The following CDC7 variants were observed in gnomAD, a reference collection of about 807,000 sequenced individuals.
CDC7 encodes the protein cell division cycle 7-related protein kinase.
A neutral mutation model predicts 53.5 loss-of-function variants in CDC7; 34 were observed. The ratio of observed to expected loss-of-function variants is 0.64; its 90% CI spans 0.48 to 0.85. The LOEUF is 0.85. Ranked by LOEUF, CDC7 falls within the 40% of genes least tolerant of loss-of-function variation. CDC7 has a pLI of 0.00. For missense variants in CDC7, 594 were observed against 679.7 expected (o/e 0.87, Z 1.40); for synonymous variants, 211 against 222.8 (o/e 0.95, Z 0.47).
intron 2 of CDC7, among the ~76,000 whole-genome samples, chr1:91,507,342 G>A (rs1377186692): frequency 6.6e-6 from 1 of 152,168 alleles, no homozygotes; most frequent in Non-Finnish European, 1.5e-5. Flanking sequence ...GGATACTACT[G>A]GCAATTGGGA....
In CDC7 at chr1:91,503,319, T is replaced by C. The variant is rs1414610853; in HGVS notation, c.115+1488T>C. Among the ~76,000 whole-genome samples, 3 of 152,366 alleles carry C rather than the reference T, an allele frequency of 2.0e-5. 1 individual carries two copies. Among genetic ancestry groups the C allele is most frequent in the South Asian group, 4.1e-4 (2 of 4,824 alleles). ...TACTCTTATGGTTCTTTTTTAAATA[T>C]GATCTTAATAACAGCTAAAGTTATA... is the stretch of plus-strand genomic sequence containing the variant. On this transcript the variant is annotated intron_variant, in intron 2 of 11. Coordinates refer to ENST00000234626, the MANE Select transcript of CDC7 (RefSeq NM_003503.4).
chr1:91,515,096 AGATCAGTG>A lies in CDC7; in HGVS notation c.1097+100_1097+107del, dbSNP rs1191389586. ...TTTTGTGAGTGCAAGGGATCAGTTC[AGATCAGTG>A]AACTGCAATGGGCCTTGATGCAGAG... On this transcript the variant is annotated intron_variant, in intron 9 of 11. Transcript: ENST00000234626. 1.8e-5 allele frequency: 16 copies of A among 900,554 alleles called. No homozygotes were observed. The Admixed American group carries it at 3.6e-4, about 20-fold the overall frequency. The allele number at this position is 900,554 out of a possible 1,614,324, so 55.8% of individuals were successfully genotyped here. A position where few individuals can be genotyped will look rare whatever the true frequency, so the allele number is the denominator to read the frequency against.
In CDC7 at chr1:91,511,819, A is replaced by G. The variant is rs776945490; in HGVS notation, c.468A>G (p.Glu156=). 2.8e-5 allele frequency: 45 copies of G among 1,607,320 alleles called. No individual in the cohort carries two copies. The highest frequency in any genetic ancestry group is 3.8e-5 in the Non-Finnish European group (45 of 1,174,968). The change falls in exon 6 of 12, where the codon GAA becomes GAG. Residue 156 remains glutamate (E), a synonymous_variant. Transcript: ENST00000234626. The part of the protein sequence containing the change: ...LNSLSFQEVR[E]YMLNLFKALK... ...CTCTTTCCTTTCAAGAAGTACGGGAATATATGCTTAATCTGTTCAAAGCTT... is the reference window on the plus strand; with the variant it reads ...CTCTTTCCTTTCAAGAAGTACGGGAGTATATGCTTAATCTGTTCAAAGCTT...
At chr1:91,502,138 C>T (rs1666722893) in intron 2 of CDC7, among the ~76,000 whole-genome samples, 1 of 152,168 alleles carries the variant, frequency 6.6e-6, no homozygotes, top group African/African-American at 2.4e-5. Flanking sequence ...CTCTACTCAC[C>T]ACATTGCCTT....
chr1:91,523,932 C>A, intron 11 of CDC7, 109 bp from the exon 12 acceptor site: 1 of 702,940 alleles, frequency 1.4e-6, no homozygotes, highest in Non-Finnish European at 2.3e-6. Flanking sequence ...GTGTCCATGT[C>A]TATAAAGCAT....
intron 2 of CDC7, among the ~76,000 whole-genome samples, chr1:91,503,240 G>T (rs1007190146): frequency 1.3e-5 from 2 of 152,144 alleles, no homozygotes; most frequent in East Asian, 3.9e-4. Context: ...TAGCGTTTAT[G>T]TAACAGAACA....
chr1:91,523,967 TGA>T (rs1300810484), intron 11 of CDC7, 72 bp from the exon 12 acceptor site: 6 of 1,137,568 alleles, frequency 5.3e-6, no homozygotes, highest in Non-Finnish European at 7.4e-6. Context: ...ATGTTTCTCA[TGA>T]GAGAGGCTTC....
chr1:91,523,706 G>C (rs950290751), intron 11 of CDC7, among the ~76,000 whole-genome samples: 2 of 152,104 alleles, frequency 1.3e-5, no homozygotes, highest in Non-Finnish European at 2.9e-5. Context: ...AAGTAGAGTG[G>C]GGGCGTGGGA....
chr1:91,511,284 T>A (rs1667273118), intron 4 of CDC7, among the ~76,000 whole-genome samples: 2 of 152,180 alleles, frequency 1.3e-5, no homozygotes, highest in Non-Finnish European at 1.5e-5. Flanking sequence ...ATTTATTTAT[T>A]ACTGTTACCA....
chr1:91,515,948 G>A, intron 10 of CDC7, 72 bp downstream of exon 10: 1 of 1,251,254 alleles, frequency 8.0e-7, no homozygotes, highest in Non-Finnish European at 1.2e-6. Flanking sequence ...TATGATCTTT[G>A]TCTATTTATA....
At position 91,513,269 on chromosome 1, in the gene CDC7, A is replaced by C. The variant is rs780306364; in HGVS notation, c.784A>C (p.Asn262His). ...TKASVKRPYT[N>H]AQIQIKQGKD... is the part of the protein sequence containing the mutation. ...AGCTTCTGTTAAAAGACCCTACACA[A>C]ATGCACAAATTCAGATTAAACAAGG... Residue 262 changes from asparagine (N) to histidine (H), a missense_variant, in exon 7 of 12, where the codon AAT becomes CAT. By Grantham distance (68) the Asn-to-His change is moderately conservative (BLOSUM62 1). Coordinates refer to ENST00000234626, the MANE Select transcript of CDC7 (RefSeq NM_003503.4). 7.4e-6 allele frequency: 12 copies of C among 1,613,342 alleles called. No homozygotes were observed. The highest frequency in any genetic ancestry group is 1.0e-5 in the Non-Finnish European group (12 of 1,179,522).
At chr1:91,516,541 A>G (rs1667567933) in intron 10 of CDC7, among the ~76,000 whole-genome samples, 1 of 152,156 alleles carries the variant, frequency 6.6e-6, no homozygotes, top group Non-Finnish European at 1.5e-5. Flanking sequence ...AAATGAGACC[A>G]TCTGTTCACA....
chr1:91,508,473 G>A, intron 4 of CDC7, 76 bp downstream of exon 4: 1 of 1,191,542 alleles, frequency 8.4e-7, no homozygotes, highest in South Asian at 1.4e-5. Flanking sequence ...TAGCAGGGAT[G>A]AGGGGATTAT....
intron 10 of CDC7, among the ~76,000 whole-genome samples, chr1:91,518,119 T>C (rs1571334344): frequency 2.4e-5 from 1 of 41,716 alleles, no homozygotes; most frequent in Non-Finnish European, 5.8e-5. Flanking sequence ...AAAAAAAAGG[T>C]GATACAGTAG....
chr1:91,510,153 T>TG (rs1390811946), intron 4 of CDC7, among the ~76,000 whole-genome samples: 1 of 151,786 alleles, frequency 6.6e-6, no homozygotes, highest in Non-Finnish European at 1.5e-5. Flanking sequence ...AGTTTGAGGC[T>TG]GTAATGACCT....
At position 91,507,725 on chromosome 1, in the gene CDC7, T is replaced by C; in HGVS notation, c.116-129T>C. On this transcript the variant is annotated intron_variant, in intron 2 of 11. Transcript: ENST00000234626. ...TTGATGGGTTTTAATCTTATCACAATGTTATTAAAACTTATGTATAATTAA... is the reference window on the plus strand; with the variant it reads ...TTGATGGGTTTTAATCTTATCACAACGTTATTAAAACTTATGTATAATTAA... 4.7e-6 allele frequency: 3 copies of C among 642,758 alleles called. No individual in the cohort carries two copies. The South Asian group carries it at 6.4e-5, about 14-fold the overall frequency. 39.8% of individuals were successfully genotyped at this position (642,758 alleles called of 1,614,324 possible). A position where few individuals can be genotyped will look rare whatever the true frequency, so the allele number is the denominator to read the frequency against.
At chr1:91,509,137 T>G (rs1667134403) in intron 4 of CDC7, among the ~76,000 whole-genome samples, 1 of 152,154 alleles carries the variant, frequency 6.6e-6, no homozygotes, top group Non-Finnish European at 1.5e-5. Context: ...CTCTTCCACT[T>G]CTATCTGACC....
chr1:91,508,019 C>T lies in CDC7; in HGVS notation c.199+82C>T, dbSNP rs1263223353. ...CCTTTTTTAGTCTTGGTTTTCATTA[C>T]TATTTCTTATTGAAAAATATACCAC... On this transcript the variant is annotated intron_variant, in intron 3 of 11. Coordinates refer to ENST00000234626, the MANE Select transcript of CDC7 (RefSeq NM_003503.4). The T allele has an allele frequency of 3.4e-6, 4 of 1,180,812 alleles. No homozygotes were observed. The Admixed American group carries it at 1.0e-4, about 30-fold the overall frequency. 73.1% of individuals were successfully genotyped at this position (1,180,812 alleles called of 1,614,324 possible). A position where few individuals can be genotyped will look rare whatever the true frequency, so the allele number is the denominator to read the frequency against.
At chr1:91,519,282 AGAG>A (rs1210976913) in intron 10 of CDC7, among the ~76,000 whole-genome samples, 2 of 137,342 alleles carry the variant, frequency 1.5e-5, no homozygotes, top group African/African-American at 2.7e-5. Flanking sequence ...AAAAAAAAAA[AGAG>A]CTGGGCATGG....
Sources: allele counts gnomAD v4.1 joint callset (sites outside exome capture counted in the v4.1 genomes callset), GRCh38; gene constraint gnomAD v4.1.1; transcripts MANE v1.5; gene names NCBI Gene and HGNC (gene_info 2026-07-23, HGNC 2026-07-21).